The following ANKFN1 variants were observed in gnomAD, a reference collection of about 807,000 sequenced individuals.
ANKFN1 encodes the protein ankyrin repeat and fibronectin type-III domain-containing protein 1.
A neutral mutation model predicts 108.7 loss-of-function variants in ANKFN1; 74 were observed. The ratio of observed to expected loss-of-function variants is 0.68; its 90% confidence interval spans 0.56 to 0.83. The LOEUF (loss-of-function observed/expected upper bound fraction) is 0.83. Ranked by LOEUF, ANKFN1 falls within the 40% of genes least tolerant of loss-of-function variation. The pLI is 0.00. For synonymous variants in ANKFN1, 547 were observed against 516.2 expected, an observed-to-expected ratio of 1.06 and a Z score of -0.81; for missense variants, 1,505 against 1,382.3, an observed-to-expected ratio of 1.09 and a Z score of -1.41.
At chr17:56,294,341 G>T (rs1046518402) in intron 3 of ANKFN1, among the ~76,000 whole-genome samples, 1 of 152,206 alleles carries the variant, frequency 6.6e-6, no homozygotes, top group African/African-American at 2.4e-5. Context: ...ACCACTGCCT[G>T]AAGAGAGGCT....
At chr17:56,436,211 T>C (rs973219322) in intron 8 of ANKFN1, among the ~76,000 whole-genome samples, 13 of 152,160 alleles carry the variant, frequency 8.5e-5, no homozygotes, top group Non-Finnish European at 1.5e-4. Flanking sequence ...CCATGTAAAA[T>C]AGTCATAGTT....
intron 8 of ANKFN1, among the ~76,000 whole-genome samples, chr17:56,416,937 A>G (rs979578494): frequency 6.6e-6 from 1 of 152,220 alleles, no homozygotes; most frequent in African/African-American, 2.4e-5. Flanking sequence ...TCATTAGGTA[A>G]CATGAAATAA....
intron 1 of ANKFN1, among the ~76,000 whole-genome samples, chr17:56,211,688 C>A (rs1019833472): frequency 6.6e-6 from 1 of 152,086 alleles, no homozygotes; most frequent in Non-Finnish European, 1.5e-5. Flanking sequence ...TTGTAGATTG[C>A]TTTTGGCAGT....
chr17:56,484,638 A>G (rs547739848), intron 18 of ANKFN1, among the ~76,000 whole-genome samples: 1 of 152,244 alleles, frequency 6.6e-6, no homozygotes, highest in African/African-American at 2.4e-5. Flanking sequence ...GTAGAAACGC[A>G]GGAGAGAAAT....
intron 14 of ANKFN1, among the ~76,000 whole-genome samples, chr17:56,460,882 C>T (rs2049882301): frequency 6.6e-6 from 1 of 152,190 alleles, no homozygotes; most frequent in Non-Finnish European, 1.5e-5. Flanking sequence ...CCTACATCCC[C>T]TTTCTCCACT....
chr17:56,456,200 T>G (rs950801402), intron 11 of ANKFN1, among the ~76,000 whole-genome samples: 2 of 152,150 alleles, frequency 1.3e-5, no homozygotes, highest in African/African-American at 2.4e-5. Flanking sequence ...TTGCGGGAGT[T>G]GGGAGAAGGG....
At chr17:56,450,816 T>G (rs1035684174) in intron 11 of ANKFN1, among the ~76,000 whole-genome samples, 4 of 152,222 alleles carry the variant, frequency 2.6e-5, no homozygotes, top group African/African-American at 9.7e-5. Context: ...TGAGAGATTT[T>G]TTTAATATTA....
intron 14 of ANKFN1, among the ~76,000 whole-genome samples, chr17:56,464,235 A>G (rs1479406554): frequency 6.6e-6 from 1 of 152,236 alleles, no homozygotes; most frequent in Non-Finnish European, 1.5e-5. Context: ...CCCCTTAGAA[A>G]ACCTATCTAC....
intron 8 of ANKFN1, among the ~76,000 whole-genome samples, chr17:56,435,967 G>A (rs2048918426): frequency 6.6e-6 from 1 of 152,056 alleles, no homozygotes; most frequent in African/African-American, 2.4e-5. Flanking sequence ...ACTCTTCTGA[G>A]TTGTGAATTT....
At chr17:56,430,500 C>CCACACACACACA (rs60148599) in intron 8 of ANKFN1, among the ~76,000 whole-genome samples, 73 of 144,184 alleles carry the variant, frequency 5.1e-4, no homozygotes, top group African/African-American at 1.4e-3. Context: ...GATGCTTTTA[C>CCACACACACACA]CACACACACA....
chr17:56,310,748 TTG>T (rs71137198), intron 3 of ANKFN1, among the ~76,000 whole-genome samples: 3,769 of 150,056 alleles, frequency 0.025, 53 homozygotes, highest in Middle Eastern at 0.051. Context: ...CACAATTACT[TTG>T]TGTGTGTGTG....
At chr17:56,229,436 T>C (rs1391864341) in intron 3 of ANKFN1, among the ~76,000 whole-genome samples, 1 of 152,020 alleles carries the variant, frequency 6.6e-6, no homozygotes, top group African/African-American at 2.4e-5. Flanking sequence ...TCATATTTGG[T>C]AGCTCTTTAC....
At chr17:56,374,492 A>G (rs189341862) in intron 7 of ANKFN1, 109 bp from the exon 8 acceptor site, 3 of 819,848 alleles carry the variant, frequency 3.7e-6, no homozygotes, top group Admixed American at 2.4e-5. Context: ...AGGCTCCACA[A>G]ACAAATGTTT....
intron 3 of ANKFN1, among the ~76,000 whole-genome samples, chr17:56,306,804 A>T (rs1248297835): frequency 1.3e-5 from 2 of 152,236 alleles, no homozygotes. Context: ...AGCTGGAGGC[A>T]TCATGCTACC....
intron 8 of ANKFN1, among the ~76,000 whole-genome samples, chr17:56,410,195 C>T (rs2048046393): frequency 6.6e-6 from 1 of 152,200 alleles, no homozygotes; most frequent in South Asian, 2.1e-4. Flanking sequence ...AAGTGATTCT[C>T]CTCCCGAGTA....
chr17:56,050,860 T>C (rs1876364473), intron 4 of ANKFN1, among the ~76,000 whole-genome samples: 1 of 151,536 alleles, frequency 6.6e-6, no homozygotes. Context: ...CTCCCAAGAC[T>C]AAACCAGGAA....
At chr17:56,281,211 A>T (rs2044074007) in intron 3 of ANKFN1, among the ~76,000 whole-genome samples, 1 of 151,312 alleles carries the variant, frequency 6.6e-6, no homozygotes, top group African/African-American at 2.4e-5. Flanking sequence ...GTAAGCACAG[A>T]TGAGTAGGCC....
intron 3 of ANKFN1, among the ~76,000 whole-genome samples, chr17:56,309,906 G>C (rs913352786): frequency 1.3e-5 from 2 of 152,206 alleles, no homozygotes; most frequent in Non-Finnish European, 2.9e-5. Context: ...ATGAGACAAT[G>C]CCTACAGGAT....
At chr17:56,387,392 A>G (rs1415990523) in intron 8 of ANKFN1, among the ~76,000 whole-genome samples, 1 of 152,184 alleles carries the variant, frequency 6.6e-6, no homozygotes, top group Non-Finnish European at 1.5e-5. Flanking sequence ...AATTTGTTTC[A>G]CTTCCATGTT....
Sources: gnomAD v4.1 joint callset for allele counts (sites outside exome capture counted in the v4.1 genomes callset) on GRCh38, gnomAD v4.1.1 for gene constraint, MANE v1.5 for transcripts, NCBI Gene and HGNC (gene_info 2026-07-23, HGNC 2026-07-21) for gene names.